The following LYPD6B variants were observed in gnomAD, a reference collection of about 807,000 sequenced individuals.
LYPD6B encodes LY6/PLAUR domain containing 6B, also known as ly6/PLAUR domain-containing protein 6B.
In LYPD6B, 17 loss-of-function variants were observed where a neutral mutation model predicts 22.8. The observed-to-expected ratio is 0.75, with a 90% CI of 0.51 to 1.12. The LOEUF (loss-of-function observed/expected upper bound fraction) is 1.12, where lower values mean the gene tolerates loss of function less well. Among genes scored for constraint, LYPD6B ranks in the 50% most tolerant of loss-of-function variants. LYPD6B has a pLI of 0.00. For synonymous variants in LYPD6B, 106 were observed against 91.6 expected (o/e 1.16, Z -0.90); for missense variants, 221 against 258.3 (o/e 0.86, Z 0.99).
intron 1 of LYPD6B, among the ~76,000 whole-genome samples, chr2:149,112,906 G>A (rs1259056499): frequency 6.6e-6 from 1 of 152,080 alleles, no homozygotes; most frequent in African/African-American, 2.4e-5. Context: ...GAAACAATAA[G>A]CCAAAATAAA....
chr2:149,108,271 A>C (rs1049912695), intron 1 of LYPD6B, among the ~76,000 whole-genome samples: 1 of 152,218 alleles, frequency 6.6e-6, no homozygotes, highest in East Asian at 1.9e-4. Context: ...CTGTAAGTCC[A>C]TTAAACCTCT....
chr2:149,081,438 A>G (rs1324767387), intron 1 of LYPD6B, among the ~76,000 whole-genome samples: 1 of 152,188 alleles, frequency 6.6e-6, no homozygotes, highest in East Asian at 1.9e-4. Context: ...TTAAACTTTT[A>G]TTGAAGTATA....
chr2:149,086,649 G>A (rs1313617239), intron 1 of LYPD6B, among the ~76,000 whole-genome samples: 1 of 152,174 alleles, frequency 6.6e-6, no homozygotes, highest in East Asian at 1.9e-4. Flanking sequence ...CTATGGGGAG[G>A]TGTATTAGTT....
At chr2:149,084,629 A>G (rs73015029) in intron 1 of LYPD6B, among the ~76,000 whole-genome samples, 4,811 of 152,270 alleles carry the variant, frequency 0.032, 227 homozygotes, top group African/African-American at 0.11. Flanking sequence ...TGCTAGCAGG[A>G]GTCATTATAG....
At chr2:149,077,773 A>G (rs2377513) in intron 1 of LYPD6B, among the ~76,000 whole-genome samples, 129,131 of 152,190 alleles carry the variant, frequency 0.85, 55,087 homozygotes, top group East Asian at 1. Context: ...AGTGCTGGGC[A>G]TCTTTTTAAT....
chr2:149,088,604 G>T (rs1685507790), intron 1 of LYPD6B, among the ~76,000 whole-genome samples: 1 of 152,082 alleles, frequency 6.6e-6, no homozygotes, highest in African/African-American at 2.4e-5. Flanking sequence ...AATGGTGTAG[G>T]TACACAATAA....
intron 1 of LYPD6B, among the ~76,000 whole-genome samples, chr2:149,087,375 T>C (rs1685449110): frequency 6.6e-6 from 1 of 152,168 alleles, no homozygotes; most frequent in African/African-American, 2.4e-5. Context: ...TTTTTACGTA[T>C]GTAAAGGAAG....
At chr2:149,057,271 T>G (rs1285076287) in intron 1 of LYPD6B, among the ~76,000 whole-genome samples, 2 of 152,100 alleles carry the variant, frequency 1.3e-5, no homozygotes, top group African/African-American at 4.8e-5. Context: ...CAAAATGGAA[T>G]GCAAAACTTA....
intron 1 of LYPD6B, among the ~76,000 whole-genome samples, chr2:149,071,572 A>G (rs1684604340): frequency 1.3e-5 from 2 of 152,232 alleles, no homozygotes; most frequent in Non-Finnish European, 2.9e-5. Context: ...ATCAGTAGAT[A>G]TAATAGAAGA....
At chr2:149,135,169 C>T (rs769126488) in intron 2 of LYPD6B, among the ~76,000 whole-genome samples, 7 of 150,690 alleles carry the variant, frequency 4.6e-5, no homozygotes, top group Non-Finnish European at 4.4e-5. Context: ...TGCTTGAACC[C>T]GGGAGACGGA....
At chr2:149,197,540 G>A (rs1040081635) in intron 3 of LYPD6B, among the ~76,000 whole-genome samples, 8 of 152,078 alleles carry the variant, frequency 5.3e-5, no homozygotes, top group African/African-American at 1.9e-4. Context: ...CCAAATGATG[G>A]ATGCATCTGG....
At chr2:149,164,693 A>G (rs1219373895) in intron 3 of LYPD6B, among the ~76,000 whole-genome samples, 5 of 152,104 alleles carry the variant, frequency 3.3e-5, no homozygotes, top group African/African-American at 4.8e-5. Flanking sequence ...CATCTTCCCA[A>G]ATTTGATCAC....
intron 3 of LYPD6B, among the ~76,000 whole-genome samples, chr2:149,195,335 A>G (rs1440064202): frequency 6.6e-6 from 1 of 152,208 alleles, no homozygotes; most frequent in African/African-American, 2.4e-5. Context: ...TGAATGAAAA[A>G]TATATGAACT....
At chr2:149,156,383 G>C (rs1689703508) in intron 2 of LYPD6B, among the ~76,000 whole-genome samples, 1 of 152,194 alleles carries the variant, frequency 6.6e-6, no homozygotes, top group Non-Finnish European at 1.5e-5. Flanking sequence ...ACTTTTCCCT[G>C]GGAATCCTGG....
chr2:149,125,249 G>T (rs1164833887), intron 1 of LYPD6B, among the ~76,000 whole-genome samples: 1 of 152,074 alleles, frequency 6.6e-6, no homozygotes, highest in Non-Finnish European at 1.5e-5. Flanking sequence ...GTCAAACAAC[G>T]CCTGGCCCCG....
intron 1 of LYPD6B, among the ~76,000 whole-genome samples, chr2:149,130,257 T>C (rs190282242): frequency 2.0e-3 from 308 of 152,322 alleles, no homozygotes; most frequent in African/African-American, 7.1e-3. Flanking sequence ...AATTTCCAGA[T>C]GTATGACGTT....
At chr2:149,063,109 A>T (rs1039051797) in intron 1 of LYPD6B, among the ~76,000 whole-genome samples, 2 of 152,046 alleles carry the variant, frequency 1.3e-5, no homozygotes, top group Admixed American at 6.6e-5. Flanking sequence ...GACATTAGAA[A>T]CCTAACAAGT....
intron 1 of LYPD6B, among the ~76,000 whole-genome samples, chr2:149,051,022 A>C (rs1207230751): frequency 6.6e-6 from 1 of 151,864 alleles, no homozygotes; most frequent in Non-Finnish European, 1.5e-5. Flanking sequence ...AATCATTATA[A>C]TTTATTCTAA....
chr2:149,183,624 T>G (rs1229935499), intron 3 of LYPD6B, among the ~76,000 whole-genome samples: 2 of 152,132 alleles, frequency 1.3e-5, no homozygotes, highest in Non-Finnish European at 2.9e-5. Flanking sequence ...GTAGTAGAGT[T>G]AGTAATGCTT....
Sources: gnomAD v4.1 joint callset for allele counts (sites outside exome capture counted in the v4.1 genomes callset) on GRCh38, gnomAD v4.1.1 for gene constraint, MANE v1.5 for transcripts, NCBI Gene and HGNC (gene_info 2026-07-23, HGNC 2026-07-21) for gene names.